CLCNKA: variants seen among roughly 807,000 people sequenced by gnomAD.
The protein encoded by CLCNKA is chloride channel protein ClC-Ka.
Under a neutral mutation model 83.3 loss-of-function variants are expected in CLCNKA, and 66 were observed. That is an observed-to-expected ratio of 0.79 (90% CI 0.65 to 0.97). The LOEUF is 0.97. Among genes scored for constraint, CLCNKA ranks in the 50% least tolerant of loss-of-function variants. CLCNKA has a pLI of 0.00. For missense variants in CLCNKA, 806 were observed against 888.7 expected (o/e 0.91, Z 1.18); for synonymous variants, 357 against 370.4 (o/e 0.96, Z 0.42).
chr1:16,032,247 C>T lies in CLCNKA; in HGVS notation c.1801C>T (p.Gln601Ter), dbSNP rs373187796. The T allele has an allele frequency of 3.8e-4, 612 of 1,612,114 alleles. 1 individual carries two copies. The highest frequency in any genetic ancestry group is 5.0e-4 in the Non-Finnish European group (585 of 1,179,830). Residue 601 changes from glutamine to a stop codon, truncating the protein, a stop_gained, in exon 17 of 20, where the codon CAG (glutamine) becomes TAG (stop). Transcript: ENST00000331433. LOFTEE classifies it high-confidence loss of function. ...VGIVQRAQLVQALQAEPPSRA... is the reference protein window; with the variant it reads ...VGIVQRAQLV ...CATCGTGCAGAGGGCCCAGCTGGTG[C>T]AGGCCCTCCAGGCTGAGCCTCCTTC...
intron 10 of CLCNKA, 57 bp downstream of exon 10, chr1:16,028,176 C>A (rs1233027823): frequency 8.6e-6 from 13 of 1,513,310 alleles, no homozygotes; most frequent in Non-Finnish European, 1.2e-5. Context: ...GGACTCCAGA[C>A]CTTATGTAGA....
intron 2 of CLCNKA, among the ~76,000 whole-genome samples, chr1:16,023,013 C>T (rs1223997458): frequency 1.8e-4 from 27 of 152,310 alleles, no homozygotes; most frequent in Middle Eastern, 6.8e-3. Flanking sequence ...AATGAGGGGA[C>T]GTGGGGGTTA....
At position 16,028,055 on chromosome 1, in the gene CLCNKA, T is replaced by C. The variant is rs2022443592; in HGVS notation, c.904T>C (p.Cys302Arg). 6.2e-7 allele frequency: 1 copy of C among 1,613,414 alleles called. No homozygotes were observed. The highest frequency in any genetic ancestry group is 1.7e-5 in the Admixed American group (1 of 59,894). Residue 302 changes from cysteine to arginine, a missense_variant, in exon 10 of 20, where the codon TGT (cysteine) becomes CGT (arginine). Transcript: ENST00000331433. ...CGTCCTGAGCTGTGCTTACCTCTTC[T>C]GTCAGCGAACCTTCCTCAGCTTCAT... Reference protein sequence around the residue: ...CGVLSCAYLFCQRTFLSFIKT... With the variant: ...CGVLSCAYLFRQRTFLSFIKT...
Position 16,022,730 on chromosome 1 carries a change from G to C in CLCNKA, c.100+11G>C. ...GCCGAGCCATCCAAGGTGAGAGCCA[G>C]GTCCTCTTCCCTACCCGCGGGGGAC... On this transcript the variant is annotated intron_variant, in intron 2 of 19. Transcript: ENST00000331433. The C allele has an allele frequency of 2.6e-6, 4 of 1,512,532 alleles. No individual in the cohort carries two copies. Among genetic ancestry groups the C allele is most frequent in the Non-Finnish European group, 3.6e-6 (4 of 1,125,150 alleles). 93.7% of individuals were successfully genotyped at this position (1,512,532 alleles called of 1,614,324 possible).
At chr1:16,032,646 C>A in intron 18 of CLCNKA, 120 bp downstream of exon 18, 1 of 798,934 alleles carries the variant, frequency 1.3e-6, no homozygotes, top group Non-Finnish European at 2.2e-6. Flanking sequence ...CTGCTTCCTG[C>A]TCCTCCTGGG....
In CLCNKA at chr1:16,027,915, T is replaced by C; in HGVS notation, c.866+10T>C. On this transcript the variant is annotated intron_variant, in intron 9 of 19. Transcript: ENST00000331433. ...TTTTTGTGGCGCTGGGGTGAGTGGG[T>C]GCCTTGGGCCCCTGAGAGTCCAAAA... The C allele has an allele frequency of 6.2e-7, 1 of 1,613,786 alleles. No homozygotes were observed. Among genetic ancestry groups the C allele is most frequent in the South Asian group, 1.1e-5 (1 of 91,078 alleles).
chr1:16,025,472 C>A (rs2022309079), intron 4 of CLCNKA, among the ~76,000 whole-genome samples: 2 of 152,126 alleles, frequency 1.3e-5, no homozygotes, highest in Non-Finnish European at 2.9e-5. Flanking sequence ...TCAAGAGCAG[C>A]TTGGACAACA....
Position 16,026,701 on chromosome 1 carries a change from A to C in CLCNKA, c.581A>C (p.Lys194Thr). 1.1e-5 allele frequency: 18 copies of C among 1,613,790 alleles called. No individual in the cohort carries two copies. Among genetic ancestry groups the C allele is most frequent in the Non-Finnish European group, 1.4e-5 (17 of 1,179,872 alleles). ...RTTTIGEPEN[K>T]SKQNEMLVAA... ...CCCTGGACTCGGATCCCCCAGAACA[A>C]GAGCAAGCAAAACGAAATGCTGGTG... Residue 194 changes from lysine (K) to threonine (T), a missense_variant, in exon 7 of 20, where the codon AAG becomes ACG. Lys to Thr is a moderately conservative substitution (Grantham distance 78, BLOSUM62 -1). Transcript: ENST00000331433.
rs541770891 is a variant in CLCNKA at position 16,033,211 on chromosome 1, C to G, written c.1971C>G (p.Phe657Leu). ...LFKLLNLQSL[F>L]VTSRGRAVGC... ...AGCTGTTGAACCTTCAGTCCCTCTT[C>G]GTGACATCGCGGGGCAGAGCTGTGG... Residue 657 changes from phenylalanine to leucine, a missense_variant, in exon 19 of 20, where the codon TTC (phenylalanine) becomes TTG (leucine). Physicochemically the swap from Phe to Leu is conservative, Grantham distance 22. Transcript: ENST00000331433. 1 of 1,614,158 alleles carries G rather than the reference C, an allele frequency of 6.2e-7. No individual in the cohort carries two copies. The highest frequency in any genetic ancestry group is 8.5e-7 in the Non-Finnish European group (1 of 1,180,010).
At chr1:16,027,503 C>A in intron 8 of CLCNKA, 68 bp downstream of exon 8, 1 of 1,598,918 alleles carries the variant, frequency 6.3e-7, no homozygotes, top group South Asian at 1.1e-5. Context: ...CTCCCTTCTC[C>A]TCTGTGTACA....
intron 12 of CLCNKA, 133 bp downstream of exon 12, chr1:16,029,432 A>G: frequency 7.2e-7 from 1 of 1,388,046 alleles, no homozygotes; most frequent in East Asian, 2.4e-5. Flanking sequence ...CCCCCTGCCC[A>G]CTGCATGGTC....
chr1:16,030,813 T>C, intron 15 of CLCNKA, 139 bp downstream of exon 15: 1 of 1,233,558 alleles, frequency 8.1e-7, no homozygotes, highest in Non-Finnish European at 1.2e-6. Context: ...CACACAGCTG[T>C]GCTCTCATCT....
chr1:16,027,416 A>G lies in CLCNKA; in HGVS notation c.762A>G (p.Ala254=), dbSNP rs144927148. The change falls in exon 8 of 20, where the codon GCA becomes GCG. Residue 254 remains alanine, a synonymous_variant. Transcript: ENST00000331433. Reference sequence around the variant, plus strand: ...GGGCCTTCATATTCCGGCTCCTGGCAGTCTTCAACAGCGAGCAGGGTGAGC... The same window carrying G: ...GGGCCTTCATATTCCGGCTCCTGGCGGTCTTCAACAGCGAGCAGGGTGAGC... ...TCGAFIFRLL[A]VFNSEQETIT... The G allele has an allele frequency of 3.2e-4, 518 of 1,614,034 alleles. 2 individuals carry two copies. In the Middle Eastern group the frequency reaches 4.8e-3, roughly 15 times the overall value.
At chr1:16,022,503 C>T (rs1351634899) in intron 1 of CLCNKA, 110 bp from the exon 2 acceptor site, 15 of 750,356 alleles carry the variant, frequency 2.0e-5, no homozygotes, top group African/African-American at 1.5e-4. Flanking sequence ...CACACACACA[C>T]GCACAATCCT....
intron 3 of CLCNKA, among the ~76,000 whole-genome samples, chr1:16,024,387 C>A (rs2022265609): frequency 1.3e-5 from 2 of 152,236 alleles, no homozygotes; most frequent in Admixed American, 1.3e-4. Context: ...AGAAGCAGCA[C>A]CTACTATGGT....
chr1:16,025,517 A>C (rs1244122739), intron 4 of CLCNKA, among the ~76,000 whole-genome samples: 4 of 152,046 alleles, frequency 2.6e-5, no homozygotes, highest in Admixed American at 6.6e-5. Flanking sequence ...AATAAAAAAC[A>C]ACCACCACAA....
intron 3 of CLCNKA, 68 bp downstream of exon 3, chr1:16,023,996 G>A (rs1289121441): frequency 2.3e-5 from 36 of 1,591,450 alleles, no homozygotes; most frequent in Non-Finnish European, 3.0e-5. Flanking sequence ...GATACCAGAT[G>A]GGCCACCAAG....
rs760659960 is a variant in CLCNKA, at chr1:16,030,041, C to T, written c.1374C>T (p.Thr458=). The part of the protein sequence containing the change: ...FPEGIVTGGV[T]NPIMPGGYAL... Reference sequence around the variant, plus strand: ...AGGGCATTGTGACTGGAGGGGTTACCAATCCCATCATGCCCGGGGGGTATG... The same window carrying T: ...AGGGCATTGTGACTGGAGGGGTTACTAATCCCATCATGCCCGGGGGGTATG... The change falls in exon 14 of 20, where the codon ACC becomes ACT. Residue 458 remains threonine, a synonymous_variant. Coordinates refer to ENST00000331433, the MANE Select transcript of CLCNKA (RefSeq NM_004070.4). 3.1e-6 allele frequency: 5 copies of T among 1,609,222 alleles called. No homozygotes were observed. The East Asian group carries it at 1.1e-4, about 36-fold the overall frequency.
intron 7 of CLCNKA, among the ~76,000 whole-genome samples, 171 bp from the exon 8 acceptor site, chr1:16,027,139 G>C (rs553540222): frequency 6.6e-6 from 1 of 152,306 alleles, no homozygotes; most frequent in South Asian, 2.1e-4. Context: ...CCTGGGCAGC[G>C]GGGTCCTCCC....
Sources: allele counts gnomAD v4.1 joint callset (sites outside exome capture counted in the v4.1 genomes callset), GRCh38; gene constraint gnomAD v4.1.1; transcripts MANE v1.5; gene names NCBI Gene and HGNC (gene_info 2026-07-23, HGNC 2026-07-21).